Variants in THOC5 observed in about 807,000 individuals in gnomAD.
THOC5 encodes Fms-interacting protein.
THOC5 carries 43 observed loss-of-function variants against 92.9 expected under a neutral mutation model. The observed-to-expected ratio is 0.46, with a 90% CI of 0.36 to 0.60. The LOEUF is 0.60. Ranked by LOEUF, THOC5 falls within the 20% of genes least tolerant of loss-of-function variation. The probability of loss-of-function intolerance (pLI) is 0.00; values close to 1 mark genes in which losing one functional copy is unlikely to be tolerated. For synonymous variants in THOC5, 296 were observed against 320.1 expected (o/e 0.92, Z 0.80); for missense variants, 659 against 849.4 (o/e 0.78, Z 2.79).
At chr22:29,531,200 C>T in intron 8 of THOC5, 1 of 1,055,132 alleles carries the variant, frequency 9.5e-7, no homozygotes, top group Non-Finnish European at 1.2e-6. Flanking sequence ...GTGTTGGTGC[C>T]CAAGGTGGGA....
At chr22:29,516,820 C>T (rs2063341336) in intron 17 of THOC5, among the ~76,000 whole-genome samples, 1 of 152,152 alleles carries the variant, frequency 6.6e-6, no homozygotes, top group Admixed American at 6.5e-5. Flanking sequence ...AAAGCACCAC[C>T]CCTAGGACTG....
chr22:29,509,861 G>C (rs949445110), intron 19 of THOC5, among the ~76,000 whole-genome samples: 1 of 150,668 alleles, frequency 6.6e-6, no homozygotes, highest in Non-Finnish European at 1.5e-5. Context: ...AGGGAACAGA[G>C]AACAAGGTGA....
In THOC5 at chr22:29,542,921, G is replaced by C; in HGVS notation, c.390C>G (p.Leu130=). The C allele has an allele frequency of 6.2e-7, 1 of 1,613,294 alleles. No homozygotes were observed. The highest frequency in any genetic ancestry group is 8.5e-7 in the Non-Finnish European group (1 of 1,179,636). Residue 130 remains leucine, a synonymous_variant, in exon 5 of 20, where the codon CTC becomes CTG. Transcript: ENST00000490103. ...GCATCACCTCATACAACAGGTTCTGGAGCTGCAGATGATAGGCATCTACTT... is the reference window on the plus strand; with the variant it reads ...GCATCACCTCATACAACAGGTTCTGCAGCTGCAGATGATAGGCATCTACTT... ...KQKVDAYHLQ[L]QNLLYEVMHL...
intron 19 of THOC5, 112 bp from the exon 20 acceptor site, chr22:29,508,632 ATGT>A (rs1422365433): frequency 4.2e-6 from 4 of 962,266 alleles, no homozygotes; most frequent in African/African-American, 1.6e-5. Flanking sequence ...ATGACACAGA[ATGT>A]TGTTGAGAAA....
At chr22:29,547,991 G>A (rs79089269) in intron 2 of THOC5, among the ~76,000 whole-genome samples, 251 of 152,192 alleles carry the variant, frequency 1.6e-3, no homozygotes, top group African/African-American at 5.3e-3. Context: ...TTTACATGGC[G>A]GCAGCAAAAG....
chr22:29,544,664 G>C (rs2063977391), intron 2 of THOC5, 61 bp from the exon 3 acceptor site: 2 of 1,444,946 alleles, frequency 1.4e-6, no homozygotes, highest in Non-Finnish European at 1.8e-6. Context: ...GCTGGGATCA[G>C]GGACACTTGG....
intron 1 of THOC5, among the ~76,000 whole-genome samples, chr22:29,551,389 G>T (rs997919382): frequency 2.6e-5 from 4 of 152,034 alleles, no homozygotes; most frequent in Non-Finnish European, 5.9e-5. Context: ...AGCCGAGATC[G>T]CAGCCACTTC....
chr22:29,514,653 A>G (rs2063298642), intron 17 of THOC5, among the ~76,000 whole-genome samples: 1 of 151,410 alleles, frequency 6.6e-6, no homozygotes, highest in Admixed American at 6.6e-5. Context: ...TTGCCCACTT[A>G]TTCGTCTAAA....
intron 8 of THOC5, 188 bp downstream of exon 8, chr22:29,531,643 T>C: frequency 7.4e-7 from 1 of 1,357,588 alleles, no homozygotes; most frequent in Non-Finnish European, 9.5e-7. Context: ...CCCATCAGGT[T>C]AATCCAGCCT....
intron 12 of THOC5, among the ~76,000 whole-genome samples, chr22:29,523,428 C>T (rs1034273007): frequency 2.0e-5 from 3 of 152,024 alleles, no homozygotes; most frequent in African/African-American, 4.8e-5. Context: ...ACAGTCCTGC[C>T]CTCTACCCAC....
chr22:29,538,351 T>C (rs967797578), intron 6 of THOC5, among the ~76,000 whole-genome samples: 10 of 152,220 alleles, frequency 6.6e-5, no homozygotes, highest in African/African-American at 2.4e-4. Flanking sequence ...TTTGTGCATT[T>C]TTCTATACAC....
intron 14 of THOC5, among the ~76,000 whole-genome samples, 166 bp downstream of exon 14, chr22:29,519,842 C>T (rs900377999): frequency 5.3e-5 from 8 of 152,020 alleles, no homozygotes; most frequent in Non-Finnish European, 1.2e-4. Flanking sequence ...TCATGTTGGC[C>T]AGGCTGGTCT....
chr22:29,513,875 T>C (rs940550299), intron 17 of THOC5: 8 of 151,972 alleles, frequency 5.3e-5, no homozygotes, highest in African/African-American at 1.7e-4. Flanking sequence ...AAATAAAAAG[T>C]ATTTTCTTTC....
chr22:29,545,479 CG>C (rs1374329452), intron 2 of THOC5, among the ~76,000 whole-genome samples: 5 of 152,132 alleles, frequency 3.3e-5, no homozygotes. Context: ...AAGCCCCTTC[CG>C]CCTATGAGCC....
chr22:29,551,933 G>T (rs553292336), intron 1 of THOC5, among the ~76,000 whole-genome samples: 4 of 152,078 alleles, frequency 2.6e-5, no homozygotes, highest in African/African-American at 9.6e-5. Context: ...TTGCAGGCGC[G>T]CGCCGCCACG....
At chr22:29,548,947 A>C (rs2064084130) in intron 2 of THOC5, 105 bp downstream of exon 2, 1 of 1,028,860 alleles carries the variant, frequency 9.7e-7, no homozygotes, top group Non-Finnish European at 1.4e-6. Flanking sequence ...GCCACCAAAA[A>C]GTTGTACCTG....
intron 5 of THOC5, among the ~76,000 whole-genome samples, chr22:29,541,011 G>A (rs560565910): frequency 8.5e-5 from 13 of 152,176 alleles, no homozygotes; most frequent in African/African-American, 2.9e-4. Flanking sequence ...GAAGTCAGGA[G>A]TTTGAGACCA....
At chr22:29,533,391 C>T (rs1439316082) in intron 7 of THOC5, among the ~76,000 whole-genome samples, 1 of 152,158 alleles carries the variant, frequency 6.6e-6, no homozygotes, top group Non-Finnish European at 1.5e-5. Flanking sequence ...CACTACAGAG[C>T]AGTGGAAAGA....
intron 6 of THOC5, 73 bp downstream of exon 6, chr22:29,539,257 T>C: frequency 6.7e-7 from 1 of 1,497,768 alleles, no homozygotes; most frequent in East Asian, 2.3e-5. Flanking sequence ...CACAGTGTTT[T>C]GCTGCCTTAT....
Sources: gnomAD v4.1 joint callset for allele counts (sites outside exome capture counted in the v4.1 genomes callset) on GRCh38, gnomAD v4.1.1 for gene constraint, MANE v1.5 for transcripts, NCBI Gene and HGNC (gene_info 2026-07-23, HGNC 2026-07-21) for gene names.